Variants in ZFHX3 observed in about 807,000 individuals in gnomAD.
ZFHX3 encodes zinc finger homeobox 3, also known as zinc finger homeobox protein 3.
In ZFHX3, 42 loss-of-function variants were observed where a neutral mutation model predicts 279.1. The ratio of observed to expected loss-of-function variants is 0.15; its 90% CI spans 0.12 to 0.19. ZFHX3 has a LOEUF of 0.19. Among genes scored for constraint, ZFHX3 ranks in the 10% least tolerant of loss-of-function variants. The pLI, the probability that ZFHX3 is intolerant of heterozygous loss-of-function variation, is 1.00. For synonymous variants in ZFHX3, 2,293 were observed against 1,957.8 expected (o/e 1.17, Z -4.52); for missense variants, 4,981 against 4,754.0 (o/e 1.05, Z -1.40).
chr16:73,333,511 C>G (rs2015846245), intron 3 of ZFHX3, among the ~76,000 whole-genome samples: 1 of 152,114 alleles, frequency 6.6e-6, no homozygotes, highest in South Asian at 2.1e-4. Flanking sequence ...GCAAGCAAGC[C>G]AGTCAGCCAG....
chr16:73,617,052 C>T (rs2052311959), intron 2 of ZFHX3, among the ~76,000 whole-genome samples: 1 of 152,174 alleles, frequency 6.6e-6, no homozygotes, highest in Non-Finnish European at 1.5e-5. Context: ...ATCATAAACC[C>T]TCCATCTTGA....
chr16:73,419,174 A>G (rs994520498), intron 3 of ZFHX3, among the ~76,000 whole-genome samples: 17 of 152,312 alleles, frequency 1.1e-4, no homozygotes, highest in African/African-American at 3.8e-4. Flanking sequence ...CAGACCGGCT[A>G]ATGAAGGAAA....
At chr16:73,433,807 G>A (rs551616176) in intron 3 of ZFHX3, among the ~76,000 whole-genome samples, 1 of 152,304 alleles carries the variant, frequency 6.6e-6, no homozygotes, top group Non-Finnish European at 1.5e-5. Context: ...CGGCTGCACG[G>A]TGCCTACTGG....
chr16:73,090,830 G>C (rs111418905), intron 8 of ZFHX3, among the ~76,000 whole-genome samples: 1 of 150,524 alleles, frequency 6.6e-6, no homozygotes, highest in Non-Finnish European at 1.5e-5. Flanking sequence ...AGAATCACTT[G>C]AGCCCAAGAG....
At chr16:73,782,451 A>G (rs1959504290) in intron 1 of ZFHX3, among the ~76,000 whole-genome samples, 1 of 152,184 alleles carries the variant, frequency 6.6e-6, no homozygotes, top group Non-Finnish European at 1.5e-5. Context: ...CAGCTATTTA[A>G]GGTCCCTAAT....
chr16:73,356,675 G>A lies in ZFHX3; in HGVS notation c.-1290-38339C>T, dbSNP rs763226339. Among the ~76,000 whole-genome samples, 3 of 152,164 alleles carry A rather than the reference G, an allele frequency of 2.0e-5. No homozygotes were observed. In the East Asian group the frequency reaches 5.8e-4, roughly 29 times the overall value. On this transcript the variant is annotated intron_variant, in intron 3 of 17. Coordinates refer to the ZFHX3 transcript ENST00000641206. ...CTGAGCACCTTCTTGTGTCAAGGAC[G>A]GAGCCAGCATTTCCATGGGGATTAA...
At chr16:73,830,675 A>T (rs528437614) in intron 1 of ZFHX3, among the ~76,000 whole-genome samples, 6 of 152,244 alleles carry the variant, frequency 3.9e-5, no homozygotes, top group Non-Finnish European at 8.8e-5. Flanking sequence ...ACAAATTGTC[A>T]ACATCAACAA....
chr16:73,575,126 C>A (rs1402635496), intron 2 of ZFHX3, among the ~76,000 whole-genome samples: 1 of 152,160 alleles, frequency 6.6e-6, no homozygotes, highest in Non-Finnish European at 1.5e-5. Context: ...TTCTACATCA[C>A]AGTTATCTAC....
upstream of ZFHX3, among the ~76,000 whole-genome samples, chr16:73,051,375 G>A (rs941480310): frequency 9.2e-5 from 14 of 152,192 alleles, no homozygotes; most frequent in Admixed American, 3.9e-4. Flanking sequence ...CCTGGTACCC[G>A]CTGGGTGGCC....
At chr16:73,728,761 C>T (rs2053543489) in intron 1 of ZFHX3, among the ~76,000 whole-genome samples, 1 of 151,674 alleles carries the variant, frequency 6.6e-6, no homozygotes, top group Admixed American at 6.6e-5. Flanking sequence ...GTAGTGGTGA[C>T]ACTGCCCTCG....
intron 2 of ZFHX3, among the ~76,000 whole-genome samples, chr16:73,640,566 A>T (rs2142155730): frequency 6.6e-6 from 1 of 152,324 alleles, no homozygotes; most frequent in African/African-American, 2.4e-5. Context: ...ATGAACAATA[A>T]AAACTAGAAT....
intron 3 of ZFHX3, among the ~76,000 whole-genome samples, chr16:73,376,377 G>A (rs1419685827): frequency 6.6e-6 from 1 of 152,108 alleles, no homozygotes; most frequent in Admixed American, 6.5e-5. Flanking sequence ...TTTAGGTTCT[G>A]GACCATTTTC....
At position 73,306,495 on chromosome 16, in the gene ZFHX3, T is replaced by C. The variant is rs112991917; in HGVS notation, c.-1194+11745A>G. On this transcript the variant is annotated intron_variant, in intron 4 of 17. Transcript: ENST00000641206. ...CCACCACACTCAGCTGATTTTTGTA[T>C]TTTTTTTGGTAGAGATATGGTTTCA... Among the ~76,000 whole-genome samples the C allele has an allele frequency of 5.3e-3, 292 of 55,604 alleles. 1 individual carries two copies. The highest frequency in any genetic ancestry group is 0.012 in the African/African-American group (268 of 22,358). 36.5% of individuals were successfully genotyped at this position (55,604 alleles called of 152,430 possible).
At chr16:73,334,064 G>T (rs950490092) in intron 3 of ZFHX3, among the ~76,000 whole-genome samples, 1 of 152,108 alleles carries the variant, frequency 6.6e-6, no homozygotes, top group African/African-American at 2.4e-5. Context: ...AAGAGGATGG[G>T]GTCAAGGACA....
At chr16:73,527,076 C>G (rs1218552749) in intron 2 of ZFHX3, among the ~76,000 whole-genome samples, 3 of 152,132 alleles carry the variant, frequency 2.0e-5, no homozygotes, top group Non-Finnish European at 1.5e-5. Context: ...CTCACACATT[C>G]ACCATTTTGA....
intron 3 of ZFHX3, among the ~76,000 whole-genome samples, chr16:72,892,305 G>C (rs1033153091): frequency 6.6e-6 from 1 of 152,132 alleles, no homozygotes; most frequent in Non-Finnish European, 1.5e-5. Context: ...CAGGCACCAA[G>C]AAAGAACAAT....
intron 7 of ZFHX3, among the ~76,000 whole-genome samples, chr16:73,117,642 T>C (rs1405908300): frequency 1.3e-5 from 2 of 152,216 alleles, no homozygotes; most frequent in Non-Finnish European, 2.9e-5. Flanking sequence ...AGGTGTACTT[T>C]AGGTCAATCT....
chr16:73,072,520 C>A (rs1319577366), intron 8 of ZFHX3, among the ~76,000 whole-genome samples: 1 of 151,486 alleles, frequency 6.6e-6, no homozygotes, highest in African/African-American at 2.4e-5. Context: ...AGAGGTGGGA[C>A]TCTGAATGTT....
At chr16:72,960,524 C>T (rs1357314746) in intron 1 of ZFHX3, among the ~76,000 whole-genome samples, 1 of 152,148 alleles carries the variant, frequency 6.6e-6, no homozygotes, top group Non-Finnish European at 1.5e-5. Context: ...CTTCGATGGG[C>T]CACAGTGGAG....
Sources: allele counts gnomAD v4.1 joint callset (sites outside exome capture counted in the v4.1 genomes callset), GRCh38; gene constraint gnomAD v4.1.1; transcripts MANE v1.5; gene names NCBI Gene and HGNC (gene_info 2026-07-23, HGNC 2026-07-21).